The following METTL25B variants were observed in gnomAD, a reference collection of about 807,000 sequenced individuals.
The protein encoded by METTL25B is methyltransferase like 25B, also known as methyltransferase-like protein 25B.
In METTL25B, 38 loss-of-function variants were observed where a neutral mutation model predicts 48.4. The observed-to-expected ratio is 0.78, with a 90% confidence interval of 0.61 to 1.03. The LOEUF (loss-of-function observed/expected upper bound fraction) is 1.03. Ranked by LOEUF, METTL25B falls within the 50% of genes least tolerant of loss-of-function variation. METTL25B has a pLI of 0.00. For missense variants in METTL25B, 537 were observed against 603.7 expected (o/e 0.89, Z 1.16); for synonymous variants, 230 against 254.5 (o/e 0.90, Z 0.92).
rs1200944797 is a variant in METTL25B at position 156,728,658 on chromosome 1, C to G, written c.-447C>G. On this transcript the variant is annotated 5_prime_UTR_variant, in exon 1 of 8. Transcript: ENST00000368216. ...CGGGGGCGGGATGCGCTCCCCGGCC[C>G]CTCTAGCCCCGTGGTGGTACAACGC... 16 of 986,166 alleles carry G rather than the reference C, an allele frequency of 1.6e-5. No individual in the cohort carries two copies. The highest frequency in any genetic ancestry group is 1.9e-5 in the Non-Finnish European group (16 of 830,298). 61.1% of individuals were successfully genotyped at this position (986,166 alleles called of 1,614,324 possible). A position where few individuals can be genotyped will look rare whatever the true frequency, so the allele number is the denominator to read the frequency against.
intron 5 of METTL25B, 59 bp from the exon 6 acceptor site, chr1:156,733,950 G>A: frequency 1.3e-6 from 2 of 1,535,788 alleles, no homozygotes. Context: ...GTGGCCTGAG[G>A]TGGCCTGGGG....
chr1:156,734,098 G>A lies in METTL25B; in HGVS notation c.726G>A (p.Leu242=). 1 of 1,614,210 alleles carries A rather than the reference G, an allele frequency of 6.2e-7. No homozygotes were observed. Among genetic ancestry groups the A allele is most frequent in the South Asian group, 1.1e-5 (1 of 91,088 alleles). ...TGTGTGAGGAGCTTCTGCTTCCACT[G>A]GAGAACCCGTGTCAGGGCAGGGCCC... The part of the protein sequence containing the change: ...TALCEELLLP[L]ENPCQGRARL... Residue 242 remains leucine (L), a synonymous_variant, in exon 6 of 8, where the codon CTG becomes CTA. Transcript: ENST00000368216.
chr1:156,728,668 C>G lies in METTL25B; in HGVS notation c.-437C>G, dbSNP rs1044618288. 5 of 987,200 alleles carry G rather than the reference C, an allele frequency of 5.1e-6. No individual in the cohort carries two copies. Among genetic ancestry groups the G allele is most frequent in the Middle Eastern group, 5.2e-4 (1 of 1,940 alleles). 61.2% of individuals were successfully genotyped at this position (987,200 alleles called of 1,614,324 possible). ...ATGCGCTCCCCGGCCCCTCTAGCCC[C>G]GTGGTGGTACAACGCGAAGGTGTGG... On this transcript the variant is annotated 5_prime_UTR_variant, in exon 1 of 8. Coordinates refer to ENST00000368216, the MANE Select transcript of METTL25B (RefSeq NM_015997.4).
At position 156,734,300 on chromosome 1, in the gene METTL25B, C is replaced by T; in HGVS notation, c.928C>T (p.Leu310=). 6.2e-7 allele frequency: 1 copy of T among 1,614,158 alleles called. No homozygotes were observed. The highest frequency in any genetic ancestry group is 8.5e-7 in the Non-Finnish European group (1 of 1,180,024). Residue 310 remains leucine (L), a synonymous_variant, in exon 6 of 8, where the codon CTG becomes TTG. Transcript: ENST00000368216. ...GGTGGCTGGGCTGCCTGGCTATGAA[C>T]TGCCCTACCGGCTTCGGGAGGGGGC... ...QWVAGLPGYE[L]PYRLREGACH...
Position 156,736,727 on chromosome 1 carries a change from T to C in METTL25B, c.1402T>C (p.Ser468Pro). Residue 468 changes from serine (S) to proline (P), a missense_variant, in exon 8 of 8, where the codon TCT (serine) becomes CCT (proline). Ser to Pro is a moderately conservative substitution (Grantham distance 74). Coordinates refer to ENST00000368216, the MANE Select transcript of METTL25B (RefSeq NM_015997.4). ...ATKMPLGQAL[S>P]VLETEDS ...CAAGATGCCCCTGGGTCAGGCTCTT[T>C]CTGTTCTGGAGACTGAAGACAGCTG... 1 of 1,613,190 alleles carries C rather than the reference T, an allele frequency of 6.2e-7. No homozygotes were observed. Among genetic ancestry groups the C allele is most frequent in the Non-Finnish European group, 8.5e-7 (1 of 1,180,020 alleles).
At position 156,728,971 on chromosome 1, in the gene METTL25B, G is replaced by A. The variant is rs532615603; in HGVS notation, c.-134G>A. On this transcript the variant is annotated 5_prime_UTR_variant, in exon 1 of 8. Coordinates refer to ENST00000368216, the MANE Select transcript of METTL25B (RefSeq NM_015997.4). ...CATCGGATCCCGGAAAGGCAGCGTCGGAGACTGGACCCAAAACTCTTCCTG... is the reference window on the plus strand; with the variant it reads ...CATCGGATCCCGGAAAGGCAGCGTCAGAGACTGGACCCAAAACTCTTCCTG... 2.1e-5 allele frequency: 12 copies of A among 569,952 alleles called. No homozygotes were observed. Among genetic ancestry groups the A allele is most frequent in the Non-Finnish European group, 2.9e-5 (10 of 341,554 alleles). 35.3% of individuals were successfully genotyped at this position (569,952 alleles called of 1,614,324 possible). A position where few individuals can be genotyped will look rare whatever the true frequency, so the allele number is the denominator to read the frequency against.
At chr1:156,736,165 C>T (rs1649776270) in intron 7 of METTL25B, 2 of 325,508 alleles carry the variant, frequency 6.1e-6, no homozygotes, top group Admixed American at 4.6e-5. Context: ...GTCAGGAGTT[C>T]AAGACCAGCG....
rs1244585513 is a variant in METTL25B, at chr1:156,734,305, C to T, written c.933C>T (p.Pro311=). 4.3e-6 allele frequency: 7 copies of T among 1,613,984 alleles called. No individual in the cohort carries two copies. The African/African-American group carries it at 6.7e-5, about 15-fold the overall frequency. ...WVAGLPGYEL[P]YRLREGACHA... is the part of the protein sequence containing the mutation. ...CTGGGCTGCCTGGCTATGAACTGCC[C>T]TACCGGCTTCGGGAGGGGGCCTGCC... is the stretch of plus-strand genomic sequence containing the variant. The change falls in exon 6 of 8, where the codon CCC becomes CCT. Residue 311 remains proline, a synonymous_variant. Coordinates refer to ENST00000368216, the MANE Select transcript of METTL25B (RefSeq NM_015997.4).
rs139447141 is a variant in METTL25B at position 156,731,307 on chromosome 1, C to T, written c.112-684C>T. ...CCTGGCAAATTTTTGTAATTTTAGT[C>T]GAGACGGGGTTTCACCATATTGGCC... On this transcript the variant is annotated intron_variant, in intron 1 of 7. Coordinates refer to ENST00000368216, the MANE Select transcript of METTL25B (RefSeq NM_015997.4). Among the ~76,000 whole-genome samples, 119 of 152,084 alleles carry T rather than the reference C, an allele frequency of 7.8e-4. No homozygotes were observed. In the East Asian group the frequency reaches 0.015, roughly 20 times the overall value.
chr1:156,733,331 G>A (rs972080473), intron 4 of METTL25B, 46 bp from the exon 5 acceptor site: 8 of 1,609,178 alleles, frequency 5.0e-6, no homozygotes, highest in Non-Finnish European at 6.8e-6. Flanking sequence ...GGTGATAGTG[G>A]ATAGGGCACT....
rs116716435 is a variant in METTL25B, at chr1:156,736,228, C to T, written c.1306+319C>T. 9.1e-3 allele frequency: 2,378 copies of T among 261,166 alleles called. 57 individuals are homozygous for T. Among genetic ancestry groups the T allele is most frequent in the African/African-American group, 0.048 (2,190 of 45,208 alleles). 16.2% of individuals were successfully genotyped at this position (261,166 alleles called of 1,614,324 possible). On this transcript the variant is annotated intron_variant, in intron 7 of 7. Transcript: ENST00000368216. The stretch of plus-strand genomic sequence containing the variant: ...TACAAAAAGTAGCCGGGTATGGTGG[C>T]GCACACCTGTAGTCTCAGCTATTTG...
At position 156,728,772 on chromosome 1, in the gene METTL25B, A is replaced by C. The variant is rs985879095; in HGVS notation, c.-333A>C. On this transcript the variant is annotated 5_prime_UTR_variant, in exon 1 of 8. Transcript: ENST00000368216. ...CCGTAAGAGGAGAGGAGTGTACGGC[A>C]AGGGGCGGGAACTGGAACTTGGCCC... The C allele has an allele frequency of 1.0e-5, 11 of 1,056,556 alleles. No individual in the cohort carries two copies. The highest frequency in any genetic ancestry group is 1.3e-5 in the Non-Finnish European group (11 of 871,322). 65.4% of individuals were successfully genotyped at this position (1,056,556 alleles called of 1,614,324 possible). A position where few individuals can be genotyped will look rare whatever the true frequency, so the allele number is the denominator to read the frequency against.
chr1:156,731,860 A>G (rs947212486), intron 1 of METTL25B, 131 bp from the exon 2 acceptor site: 1 of 1,165,116 alleles, frequency 8.6e-7, no homozygotes, highest in Non-Finnish European at 1.2e-6. Context: ...GGTACCTGCC[A>G]GTTACAGGCA....
Position 156,736,959 on chromosome 1 carries a change from C to G in METTL25B, c.*206C>G. ...AAAAATTGGATATCTGTTTCCTTCC[C>G]ATTTCTGTAGGTAGATAAAAGGAGA... On this transcript the variant is annotated 3_prime_UTR_variant, in exon 8 of 8. Coordinates refer to ENST00000368216, the MANE Select transcript of METTL25B (RefSeq NM_015997.4). 1.8e-6 allele frequency: 1 copy of G among 560,372 alleles called. No individual in the cohort carries two copies. The highest frequency in any genetic ancestry group is 3.1e-6 in the Non-Finnish European group (1 of 325,406). The allele number at this position is 560,372 out of a possible 1,614,324, so 34.7% of individuals were successfully genotyped here.
intron 1 of METTL25B, among the ~76,000 whole-genome samples, chr1:156,731,094 A>G (rs1216894396): frequency 6.6e-6 from 1 of 152,170 alleles, no homozygotes; most frequent in African/African-American, 2.4e-5. Flanking sequence ...TGTTTTGTCT[A>G]TATGACATAT....
Position 156,729,119 on chromosome 1 carries a change from C to A in METTL25B, c.15C>A (p.Ser5=). The change falls in exon 1 of 8, where the codon TCC becomes TCA. Residue 5 remains serine, a synonymous_variant. Transcript: ENST00000368216. Reference sequence around the variant, plus strand: ...TGGACCCCGGGATGCCGGGCATCTCCGCCCGAGGCCTCTCTCATGAGGGGA... The same window carrying A: ...TGGACCCCGGGATGCCGGGCATCTCAGCCCGAGGCCTCTCTCATGAGGGGA... MPGI[S]ARGLSHEGRK... 6.2e-7 allele frequency: 1 copy of A among 1,606,970 alleles called. No homozygotes were observed. The highest frequency in any genetic ancestry group is 1.1e-5 in the South Asian group (1 of 90,516).
At chr1:156,729,834 T>A (rs1055904238) in intron 1 of METTL25B, among the ~76,000 whole-genome samples, 1 of 152,232 alleles carries the variant, frequency 6.6e-6, no homozygotes, top group Non-Finnish European at 1.5e-5. Flanking sequence ...TGAAGGATTA[T>A]TGTGAAGAAT....
intron 1 of METTL25B, among the ~76,000 whole-genome samples, chr1:156,731,211 C>T (rs965834915): frequency 4.6e-5 from 7 of 152,230 alleles, no homozygotes; most frequent in African/African-American, 1.2e-4. Context: ...GCAGCCTCTG[C>T]CTCCAGGGTT....
rs548275742 is a variant in METTL25B, at chr1:156,728,683, C to T, written c.-422C>T. On this transcript the variant is annotated 5_prime_UTR_variant, in exon 1 of 8. Transcript: ENST00000368216. ...CCTCTAGCCCCGTGGTGGTACAACG[C>T]GAAGGTGTGGGAAGGCCGCGATAAA... 1.1e-4 allele frequency: 106 copies of T among 988,736 alleles called. No homozygotes were observed. The African/African-American group carries it at 1.8e-3, about 17-fold the overall frequency. 61.2% of individuals were successfully genotyped at this position (988,736 alleles called of 1,614,324 possible). A position where few individuals can be genotyped will look rare whatever the true frequency, so the allele number is the denominator to read the frequency against.
Sources: gnomAD v4.1 joint callset for allele counts (sites outside exome capture counted in the v4.1 genomes callset) on GRCh38, gnomAD v4.1.1 for gene constraint, MANE v1.5 for transcripts, NCBI Gene and HGNC (gene_info 2026-07-23, HGNC 2026-07-21) for gene names.